The following LRRC53 variants were observed in gnomAD, a reference collection of about 807,000 sequenced individuals.
LRRC53 encodes leucine rich repeat containing 53, also known as leucine-rich repeat-containing protein 53.
A neutral mutation model predicts 13.6 loss-of-function variants in LRRC53; 25 were observed. The ratio of observed to expected loss-of-function variants is 1.83; its 90% CI spans 1.34 to 2.56. The LOEUF (loss-of-function observed/expected upper bound fraction) is 2.56, where lower values mean the gene tolerates loss of function less well. Ranked by LOEUF, LRRC53 falls within the 30% of genes most tolerant of loss-of-function variation. The pLI, the probability that LRRC53 is intolerant of heterozygous loss-of-function variation, is 0.00. For synonymous variants in LRRC53, 204 were observed against 109.8 expected, an observed-to-expected ratio of 1.86 and a Z score of -5.37; for missense variants, 527 against 275.8, an observed-to-expected ratio of 1.91 and a Z score of -6.45.
the LRRC53 span, among the ~76,000 whole-genome samples, chr1:74,517,648 G>T: frequency 6.6e-6 from 1 of 152,134 alleles, no homozygotes; most frequent in Non-Finnish European, 1.5e-5. Flanking sequence ...CCTCAATTAG[G>T]TTCTATTTCA....
intron 1 of LRRC53, among the ~76,000 whole-genome samples, chr1:74,507,798 C>T (rs1237617097): frequency 1.3e-5 from 2 of 152,136 alleles, no homozygotes; most frequent in Non-Finnish European, 2.9e-5. Flanking sequence ...GGAACATGGG[C>T]TCTGAGACTT....
the LRRC53 span, among the ~76,000 whole-genome samples, chr1:74,522,941 C>G: frequency 6.6e-6 from 1 of 152,170 alleles, no homozygotes; most frequent in Non-Finnish European, 1.5e-5. Context: ...AACTCCAAGC[C>G]CAACTGCCCA....
At chr1:74,510,507 C>CA (rs1670133220) in intron 1 of LRRC53, among the ~76,000 whole-genome samples, 1 of 151,690 alleles carries the variant, frequency 6.6e-6, no homozygotes, top group Non-Finnish European at 1.5e-5. Context: ...GACTCCGTCT[C>CA]AAAAAAGAAT....
the LRRC53 span, among the ~76,000 whole-genome samples, chr1:74,519,866 G>A: frequency 6.6e-6 from 1 of 152,088 alleles, no homozygotes; most frequent in Non-Finnish European, 1.5e-5. Context: ...GTGGCAGTGT[G>A]GGTGTCCTAT....
chr1:74,482,442 G>A (rs543338440), intron 2 of LRRC53, among the ~76,000 whole-genome samples: 71 of 152,302 alleles, frequency 4.7e-4, no homozygotes, highest in African/African-American at 1.6e-3. Context: ...GATGGTGAGA[G>A]TTTAGTGTTA....
At chr1:74,504,105 C>T (rs936257166) in intron 1 of LRRC53, among the ~76,000 whole-genome samples, 2 of 152,186 alleles carry the variant, frequency 1.3e-5, no homozygotes, top group Non-Finnish European at 2.9e-5. Context: ...ACAAGCAATT[C>T]CCTTATGCAC....
the LRRC53 span, among the ~76,000 whole-genome samples, chr1:74,531,987 T>C: frequency 3.3e-5 from 5 of 152,324 alleles, no homozygotes; most frequent in African/African-American, 9.6e-5. Context: ...CATTGTTAGC[T>C]GCATAAAAAC....
At chr1:74,477,423 T>G (rs888428332) in intron 3 of LRRC53, among the ~76,000 whole-genome samples, 1 of 152,168 alleles carries the variant, frequency 6.6e-6, no homozygotes, top group Non-Finnish European at 1.5e-5. Flanking sequence ...CTACCATTGT[T>G]TAGGTTTTGC....
the LRRC53 span, among the ~76,000 whole-genome samples, chr1:74,521,188 G>A: frequency 6.6e-6 from 1 of 152,154 alleles, no homozygotes; most frequent in African/African-American, 2.4e-5. Flanking sequence ...GTAGTTATAA[G>A]GAGCATGTGC....
chr1:74,525,031 G>C, the LRRC53 span, among the ~76,000 whole-genome samples: 2 of 152,294 alleles, frequency 1.3e-5, no homozygotes, highest in Non-Finnish European at 2.9e-5. Context: ...TGGGCTATGA[G>C]CTGGACACTG....
At chr1:74,505,150 G>A (rs1256568280) in intron 1 of LRRC53, among the ~76,000 whole-genome samples, 1 of 152,134 alleles carries the variant, frequency 6.6e-6, no homozygotes, top group African/African-American at 2.4e-5. Context: ...CACAGATCCC[G>A]CCTTTGGCAG....
chr1:74,505,939 T>C (rs915221149), intron 1 of LRRC53, among the ~76,000 whole-genome samples: 2 of 152,202 alleles, frequency 1.3e-5, no homozygotes, highest in Non-Finnish European at 2.9e-5. Context: ...AGTGGATATA[T>C]GTTTGCCACC....
chr1:74,469,920 T>C lies in LRRC53; in HGVS notation c.3702A>G (p.Pro1234=), dbSNP rs1667841372. 1 of 400,686 alleles carries C rather than the reference T, an allele frequency of 2.5e-6. No individual in the cohort carries two copies. Among genetic ancestry groups the C allele is most frequent in the Non-Finnish European group, 4.4e-6 (1 of 226,130 alleles). The allele number at this position is 400,686 out of a possible 1,614,324, so 24.8% of individuals were successfully genotyped here. A position where few individuals can be genotyped will look rare whatever the true frequency, so the allele number is the denominator to read the frequency against. ...GTGATGTAGTAGCATATTCAGCAGATGGTGGATACAGTACAGGTTTTGGAG... is the reference window on the plus strand; with the variant it reads ...GTGATGTAGTAGCATATTCAGCAGACGGTGGATACAGTACAGGTTTTGGAG... The part of the protein sequence containing the change: ...NSAPKPVLYP[P]SAEYATTSPL... The change falls in exon 5 of 5, where the codon CCA becomes CCG. Residue 1234 remains proline (P), a synonymous_variant. Transcript: ENST00000294635.
chr1:74,509,671 G>A (rs1670077236), intron 1 of LRRC53, among the ~76,000 whole-genome samples: 2 of 144,908 alleles, frequency 1.4e-5, no homozygotes, highest in Admixed American at 1.4e-4. Context: ...TGTCATATAT[G>A]TTAAGGAATA....
At chr1:74,520,330 C>T in the LRRC53 span, among the ~76,000 whole-genome samples, 6 of 152,110 alleles carry the variant, frequency 3.9e-5, no homozygotes, top group East Asian at 7.7e-4. Context: ...GAAGTGACCT[C>T]GCTTCCGACT....
At chr1:74,527,524 G>A in the LRRC53 span, among the ~76,000 whole-genome samples, 1 of 152,116 alleles carries the variant, frequency 6.6e-6, no homozygotes, top group South Asian at 2.1e-4. Context: ...TAAGGCATGA[G>A]CAAAAAAGGA....
At chr1:74,512,162 G>T (rs1012844960) in intron 1 of LRRC53, among the ~76,000 whole-genome samples, 1 of 152,144 alleles carries the variant, frequency 6.6e-6, no homozygotes, top group East Asian at 1.9e-4. Context: ...GGCATGACTC[G>T]AACCTGTGAG....
chr1:74,511,230 T>C (rs1196166770), intron 1 of LRRC53, among the ~76,000 whole-genome samples: 2 of 151,574 alleles, frequency 1.3e-5, no homozygotes, highest in Non-Finnish European at 1.5e-5. Context: ...TTCGCTCTTA[T>C]TGCCCAGGCT....
intron 2 of LRRC53, 57 bp from the exon 3 acceptor site, chr1:74,481,025 G>C: frequency 1.5e-6 from 1 of 649,046 alleles, no homozygotes. Context: ...GAGGGAGGGG[G>C]TATGGTGGAG....
Sources: allele counts gnomAD v4.1 joint callset (sites outside exome capture counted in the v4.1 genomes callset), GRCh38; gene constraint gnomAD v4.1.1; transcripts MANE v1.5; gene names NCBI Gene and HGNC (gene_info 2026-07-23, HGNC 2026-07-21).